Variants in RUNX1 observed in about 807,000 individuals in gnomAD.
RUNX1 encodes RUNX family transcription factor 1.
A neutral mutation model predicts 42.8 loss-of-function variants in RUNX1; 19 were observed. The ratio of observed to expected loss-of-function variants is 0.44; its 90% confidence interval spans 0.31 to 0.65. The LOEUF is 0.65. RUNX1 is among the 30% of genes least tolerant of loss of function. The pLI is 0.07. For synonymous variants in RUNX1, 271 were observed against 289.4 expected, an observed-to-expected ratio of 0.94 and a Z score of 0.64; for missense variants, 528 against 672.0, an observed-to-expected ratio of 0.79 and a Z score of 2.37.
At chr21:35,034,308 C>T (rs1413335288) in intron 2 of RUNX1, among the ~76,000 whole-genome samples, 1 of 152,196 alleles carries the variant, frequency 6.6e-6, no homozygotes, top group Non-Finnish European at 1.5e-5. Context: ...CTCTTCACGT[C>T]GGGGACATGG....
At chr21:34,954,234 T>C (rs1408930585) in intron 2 of RUNX1, among the ~76,000 whole-genome samples, 1 of 152,238 alleles carries the variant, frequency 6.6e-6, no homozygotes, top group Non-Finnish European at 1.5e-5. Flanking sequence ...AGATGACTTT[T>C]ATAAGATTCA....
intron 2 of RUNX1, among the ~76,000 whole-genome samples, chr21:34,979,122 G>A (rs2058826909): frequency 6.6e-6 from 1 of 152,182 alleles, no homozygotes; most frequent in South Asian, 2.1e-4. Context: ...ACAGCTGACT[G>A]GGAACTGTCA....
At chr21:34,831,580 G>C (rs2057064845) in intron 7 of RUNX1, among the ~76,000 whole-genome samples, 1 of 152,156 alleles carries the variant, frequency 6.6e-6, no homozygotes, top group African/African-American at 2.4e-5. Flanking sequence ...TGACATTTCT[G>C]TAAAGCTGAA....
Position 34,886,962 on chromosome 21 carries a change from TGCTGC to T in RUNX1, c.227_231del (p.Arg76HisfsTer60). 1 of 1,611,650 alleles carries T rather than the reference TGCTGC, an allele frequency of 6.2e-7. No homozygotes were observed. The highest frequency in any genetic ancestry group is 8.5e-7 in the Non-Finnish European group (1 of 1,179,470). The stretch of plus-strand genomic sequence containing the variant: ...GGGTGGTCGGCCAGCACCTCCACCA[TGCTGC>T]GGTCGCCGCTCCTCAGCTTGCCGGC... On this transcript the variant is annotated frameshift_variant, in exon 4 of 9. Coordinates refer to ENST00000675419, the MANE Select transcript of RUNX1 (RefSeq NM_001754.5). LOFTEE classifies it high-confidence loss of function.
rs138692035 is a variant in RUNX1, at chr21:34,947,668, A to G, written c.59-54705T>C. The stretch of plus-strand genomic sequence containing the variant: ...AATAGTTTTCACAGAAGCCCTGTCT[A>G]TCATGGTAAATGGCACAAAAGACTT... On this transcript the variant is annotated intron_variant, in intron 2 of 8. Coordinates refer to ENST00000675419, the MANE Select transcript of RUNX1 (RefSeq NM_001754.5). Among the ~76,000 whole-genome samples the G allele has an allele frequency of 8.4e-3, 1,281 of 152,292 alleles. 11 individuals carry two copies. Among genetic ancestry groups the G allele is most frequent in the African/African-American group, 0.029 (1,217 of 41,546 alleles).
intron 6 of RUNX1, among the ~76,000 whole-genome samples, chr21:34,842,001 G>A (rs1275065958): frequency 1.3e-5 from 2 of 152,058 alleles, no homozygotes; most frequent in Admixed American, 1.3e-4. Context: ...GCTCACTAAT[G>A]TTGGCTGAAT....
In RUNX1 at chr21:34,890,511, C is replaced by T. The variant is rs1215902260; in HGVS notation, c.97+2414G>A. Among the ~76,000 whole-genome samples the T allele has an allele frequency of 3.3e-5, 5 of 152,106 alleles. No individual in the cohort carries two copies. In the East Asian group the frequency reaches 9.7e-4, roughly 29 times the overall value. ...AAGCCCCTGTTCCTGGGGCTTGACT[C>T]GGGCCGCTCTTGGCTATCTGTGCTT... is the stretch of plus-strand genomic sequence containing the variant. On this transcript the variant is annotated intron_variant, in intron 3 of 8. Coordinates refer to ENST00000675419, the MANE Select transcript of RUNX1 (RefSeq NM_001754.5).
chr21:34,989,541 C>T (rs1292481058), intron 2 of RUNX1, among the ~76,000 whole-genome samples: 2 of 152,094 alleles, frequency 1.3e-5, no homozygotes, highest in Admixed American at 6.5e-5. Flanking sequence ...CCTTGGGCAA[C>T]TGCCTGGCAT....
intron 5 of RUNX1, among the ~76,000 whole-genome samples, chr21:34,863,060 A>C (rs2146256621): frequency 6.6e-6 from 1 of 152,312 alleles, no homozygotes; most frequent in East Asian, 1.9e-4. Flanking sequence ...TTTGGTCCTC[A>C]CACCAATCTC....
At chr21:34,887,989 C>T (rs2058023031) in intron 3 of RUNX1, 1 of 1,066,094 alleles carries the variant, frequency 9.4e-7, no homozygotes, top group Non-Finnish European at 1.1e-6. Flanking sequence ...CAGGGTTCTA[C>T]AGCTCTCCCA....
At chr21:34,978,223 C>A (rs1364978573) in intron 2 of RUNX1, among the ~76,000 whole-genome samples, 1 of 152,320 alleles carries the variant, frequency 6.6e-6, no homozygotes, top group South Asian at 2.1e-4. Context: ...CAGGCATGAG[C>A]CACCGCGCCC....
At chr21:34,932,858 C>T (rs2058458291) in intron 2 of RUNX1, among the ~76,000 whole-genome samples, 1 of 152,196 alleles carries the variant, frequency 6.6e-6, no homozygotes, top group Admixed American at 6.5e-5. Context: ...CCATACTCCT[C>T]TCCCATTTAC....
At chr21:34,811,185 C>T (rs2056753432) in intron 7 of RUNX1, among the ~76,000 whole-genome samples, 1 of 152,204 alleles carries the variant, frequency 6.6e-6, no homozygotes, top group Non-Finnish European at 1.5e-5. Flanking sequence ...TCTTTAAGAG[C>T]TTCCATTCCA....
intron 7 of RUNX1, among the ~76,000 whole-genome samples, chr21:34,816,316 C>T (rs1216272454): frequency 6.6e-6 from 1 of 152,088 alleles, no homozygotes; most frequent in African/African-American, 2.4e-5. Flanking sequence ...CGTTCCTGCC[C>T]ACCTGGAAGT....
chr21:34,927,233 T>C (rs187276118), intron 2 of RUNX1, among the ~76,000 whole-genome samples: 1 of 152,258 alleles, frequency 6.6e-6, no homozygotes, highest in East Asian at 1.9e-4. Flanking sequence ...TCTTGGGAAG[T>C]ACCATTAACA....
At chr21:34,993,413 T>C (rs1043561467) in intron 2 of RUNX1, among the ~76,000 whole-genome samples, 1 of 152,112 alleles carries the variant, frequency 6.6e-6, no homozygotes, top group Non-Finnish European at 1.5e-5. Context: ...CCTCAGGGAC[T>C]TTCCATTTGA....
chr21:34,980,318 C>A (rs140977651), intron 2 of RUNX1, among the ~76,000 whole-genome samples: 4 of 152,326 alleles, frequency 2.6e-5, no homozygotes, highest in African/African-American at 9.6e-5. Context: ...TATTCACCAA[C>A]GCAGGCCAGT....
chr21:34,967,654 C>T (rs574411782), intron 2 of RUNX1, among the ~76,000 whole-genome samples: 1 of 152,266 alleles, frequency 6.6e-6, no homozygotes, highest in East Asian at 1.9e-4. Context: ...CATAAAATGA[C>T]GAGGCCTGAG....
At chr21:35,002,090 C>A (rs1247543809) in intron 2 of RUNX1, among the ~76,000 whole-genome samples, 1 of 151,962 alleles carries the variant, frequency 6.6e-6, no homozygotes, top group Non-Finnish European at 1.5e-5. Context: ...TCAGTGTAAT[C>A]CCCCATCAAA....
Sources: allele counts gnomAD v4.1 joint callset (sites outside exome capture counted in the v4.1 genomes callset), GRCh38; gene constraint gnomAD v4.1.1; transcripts MANE v1.5; gene names NCBI Gene and HGNC (gene_info 2026-07-23, HGNC 2026-07-21).